The following ZNF106 variants were observed in gnomAD, a reference collection of about 807,000 sequenced individuals.
ZNF106 encodes SH3-domain binding protein 3.
ZNF106 carries 67 observed loss-of-function variants against 195.1 expected under a neutral mutation model. The ratio of observed to expected loss-of-function variants is 0.34; its 90% confidence interval spans 0.28 to 0.42. The LOEUF (loss-of-function observed/expected upper bound fraction) is 0.42. Among genes scored for constraint, ZNF106 ranks in the 10% least tolerant of loss-of-function variants. ZNF106 has a pLI of 1.00. For missense variants in ZNF106, 2,118 were observed against 2,304.5 expected (o/e 0.92, Z 1.66); for synonymous variants, 784 against 818.6 (o/e 0.96, Z 0.72).
chr15:42,447,031 C>T (rs997419312), intron 6 of ZNF106, among the ~76,000 whole-genome samples: 1 of 152,148 alleles, frequency 6.6e-6, no homozygotes, highest in African/African-American at 2.4e-5. Flanking sequence ...AGCAAGAAAA[C>T]CTTTACAACA....
At chr15:42,438,718 T>C in intron 11 of ZNF106, 51 bp from the exon 12 acceptor site, 4 of 1,552,990 alleles carry the variant, frequency 2.6e-6, no homozygotes, top group South Asian at 1.2e-5. Flanking sequence ...ACAGGGCAGG[T>C]AGTAAAAGTA....
At chr15:42,464,096 C>T (rs1026923214) in intron 3 of ZNF106, among the ~76,000 whole-genome samples, 7 of 147,734 alleles carry the variant, frequency 4.7e-5, no homozygotes, top group African/African-American at 1.5e-4. Context: ...AATCCCAGCA[C>T]TTTGGGAGGC....
At chr15:42,435,661 C>T in intron 13 of ZNF106, 143 bp from the exon 14 acceptor site, 2 of 979,912 alleles carry the variant, frequency 2.0e-6, no homozygotes. Flanking sequence ...ACAAAAGATG[C>T]TCAGTAAATG....
At chr15:42,441,650 G>A (rs1404843819) in intron 10 of ZNF106, 1 of 154,174 alleles carries the variant, frequency 6.5e-6, no homozygotes, top group African/African-American at 2.4e-5. Flanking sequence ...ACCCCATCAT[G>A]GCCACCTGCC....
chr15:42,482,764 T>G (rs1442897955), intron 1 of ZNF106, among the ~76,000 whole-genome samples: 1 of 151,944 alleles, frequency 6.6e-6, no homozygotes, highest in Non-Finnish European at 1.5e-5. Flanking sequence ...CTCCTGACCT[T>G]GTGATCCACC....
intron 21 of ZNF106, 31 bp from the exon 22 acceptor site, chr15:42,417,391 G>C: frequency 6.2e-7 from 1 of 1,612,808 alleles, no homozygotes; most frequent in South Asian, 1.1e-5. Context: ...GCCCATGAGA[G>C]AGAAGTCGAT....
At chr15:42,452,055 T>A in intron 4 of ZNF106, 101 bp from the exon 5 acceptor site, 1 of 1,289,432 alleles carries the variant, frequency 7.8e-7, no homozygotes, top group Non-Finnish European at 1.1e-6. Flanking sequence ...CTCCCGTTAC[T>A]TAGAATATGT....
At position 42,450,725 on chromosome 15, in the gene ZNF106, G is replaced by A. The variant is rs1349514075; in HGVS notation, c.1547C>T (p.Pro516Leu). 2 of 1,614,092 alleles carry A rather than the reference G, an allele frequency of 1.2e-6. No individual in the cohort carries two copies. The highest frequency in any genetic ancestry group is 2.2e-5 in the South Asian group (2 of 91,080). The change falls in exon 5 of 22, where the codon CCC (proline) becomes CTC (leucine). Residue 516 changes from proline (P) to leucine (L), a missense_variant. Physicochemically the swap from Pro to Leu is moderately conservative, Grantham distance 98. Coordinates refer to ENST00000564754, the MANE Select transcript of ZNF106 (RefSeq NM_001366845.3). ...PGEHSNPSNK[P>L]TVEDNHGPYI... ...AGGACCATGGTTATCTTCCACAGTG[G>A]GCTTGTTCGAGGGATTTGAGTGTTC... is the stretch of plus-strand genomic sequence containing the variant.
At chr15:42,474,407 A>G (rs561953908) in intron 1 of ZNF106, among the ~76,000 whole-genome samples, 1 of 152,358 alleles carries the variant, frequency 6.6e-6, no homozygotes, top group East Asian at 1.9e-4. Context: ...GATTATTCCA[A>G]ATGGAACTAT....
At position 42,439,543 on chromosome 15, in the gene ZNF106, A is replaced by G. The variant is rs771411363; in HGVS notation, c.4034T>C (p.Leu1345Ser). 2 of 1,614,178 alleles carry G rather than the reference A, an allele frequency of 1.2e-6. No homozygotes were observed. Among genetic ancestry groups the G allele is most frequent in the Admixed American group, 3.3e-5 (2 of 60,022 alleles). ...AGCTGGAGAGTGGGGTTCCTTCTCC[A>G]AAGGGGTTTCTGAAGCAAAAGACAA... is the stretch of plus-strand genomic sequence containing the variant. ...LRLSFASETP[L>S]EKEPHSPADQ... The change falls in exon 11 of 22, where the codon TTG becomes TCG. Residue 1345 changes from leucine to serine, a missense_variant. Leu to Ser is a moderately radical substitution (Grantham distance 145). Transcript: ENST00000564754.
At chr15:42,490,728 A>C (rs571975377) in intron 1 of ZNF106, among the ~76,000 whole-genome samples, 47 of 152,276 alleles carry the variant, frequency 3.1e-4, no homozygotes, top group African/African-American at 1.1e-3. Flanking sequence ...CTTTGGAGCC[A>C]CGTTTCCTTC....
rs1004037783 is a variant in ZNF106 at position 42,413,794 on chromosome 15, A to C, written c.*3510T>G. 6.6e-6 allele frequency: 1 copy of C among 152,404 alleles called. No individual in the cohort carries two copies. Among genetic ancestry groups the C allele is most frequent in the African/African-American group, 2.4e-5 (1 of 41,468 alleles). The allele number at this position is 152,404 out of a possible 1,614,324, so 9.4% of individuals were successfully genotyped here. The stretch of plus-strand genomic sequence containing the variant: ...CCACAAAAGCAGGAGTGCAGTAGTA[A>C]GTAATGACTTTCTCTCAGATTCAAG... On this transcript the variant is annotated 3_prime_UTR_variant, in exon 22 of 22. Transcript: ENST00000564754.
chr15:42,479,152 T>A (rs1595496953), intron 1 of ZNF106, among the ~76,000 whole-genome samples: 1 of 152,080 alleles, frequency 6.6e-6, no homozygotes, highest in South Asian at 2.1e-4. Flanking sequence ...GGTGGGTGGA[T>A]CACCTGAGGT....
intron 2 of ZNF106, among the ~76,000 whole-genome samples, chr15:42,466,717 C>T (rs2141407071): frequency 6.6e-6 from 1 of 152,366 alleles, no homozygotes; most frequent in East Asian, 1.9e-4. Flanking sequence ...TTTATCTTCA[C>T]TGTCCACTCC....
chr15:42,472,387 TAAC>T (rs1322391092), intron 1 of ZNF106, 66 bp from the exon 2 acceptor site: 20 of 1,203,780 alleles, frequency 1.7e-5, no homozygotes, highest in East Asian at 2.6e-5. Context: ...CATCTTCACA[TAAC>T]CAAAATTACA....
rs1469837091 is a variant in ZNF106, at chr15:42,424,891, C to T, written c.5133G>A (p.Arg1711=). ...YDCTISVRDA[R]NGLLLRTLEG... is the part of the protein sequence containing the mutation. ...CCAGAGTTCTGAGGAGCAGTCCATT[C>T]CGGGCATCGCGTACACTAATTGTGC... The change falls in exon 16 of 22, where the codon CGG becomes CGA. Residue 1711 remains arginine (R), a synonymous_variant. Coordinates refer to ENST00000564754, the MANE Select transcript of ZNF106 (RefSeq NM_001366845.3). 2 of 1,614,032 alleles carry T rather than the reference C, an allele frequency of 1.2e-6. No homozygotes were observed. The highest frequency in any genetic ancestry group is 2.7e-5 in the African/African-American group (2 of 74,914).
At chr15:42,434,279 G>A (rs1348063114) in intron 14 of ZNF106, among the ~76,000 whole-genome samples, 2 of 152,116 alleles carry the variant, frequency 1.3e-5, no homozygotes, top group East Asian at 3.9e-4. Flanking sequence ...CTGACCTCAG[G>A]AGTTCAAAAC....
rs1002146614 is a variant in ZNF106, at chr15:42,413,360, T to C, written c.*3944A>G. On this transcript the variant is annotated 3_prime_UTR_variant, in exon 22 of 22. Transcript: ENST00000564754. ...GAACCTGATGATTTGGGGGCAGGGA[T>C]AAAACCATTATTTTATAAATGTGGC... 2 of 152,232 alleles carry C rather than the reference T, an allele frequency of 1.3e-5. No homozygotes were observed. Among genetic ancestry groups the C allele is most frequent in the Admixed American group, 1.3e-4 (2 of 15,282 alleles). The allele number at this position is 152,232 out of a possible 1,614,324, so 9.4% of individuals were successfully genotyped here. A position where few individuals can be genotyped will look rare whatever the true frequency, so the allele number is the denominator to read the frequency against.
chr15:42,462,945 G>A (rs541069252), intron 3 of ZNF106, among the ~76,000 whole-genome samples: 39 of 144,304 alleles, frequency 2.7e-4, no homozygotes, highest in African/African-American at 1.0e-3. Context: ...ACCACACCTG[G>A]CTTTTTTTTG....
Sources: allele counts gnomAD v4.1 joint callset (sites outside exome capture counted in the v4.1 genomes callset), GRCh38; gene constraint gnomAD v4.1.1; transcripts MANE v1.5; gene names NCBI Gene and HGNC (gene_info 2026-07-23, HGNC 2026-07-21).